CHRM3: variants seen among roughly 807,000 people sequenced by gnomAD.
The protein encoded by CHRM3 is cholinergic receptor muscarinic 3.
CHRM3 carries 11 observed loss-of-function variants against 41.8 expected under a neutral mutation model. The ratio of observed to expected loss-of-function variants is 0.26; its 90% confidence interval spans 0.17 to 0.44. CHRM3 has a LOEUF of 0.44. Ranked by LOEUF, CHRM3 falls within the 20% of genes least tolerant of loss-of-function variation. The probability of loss-of-function intolerance (pLI) is 1.00; values close to 1 mark genes in which losing one functional copy is unlikely to be tolerated. For missense variants in CHRM3, 571 were observed against 745.4 expected, an observed-to-expected ratio of 0.77 and a Z score of 2.72; for synonymous variants, 297 against 301.4, an observed-to-expected ratio of 0.99 and a Z score of 0.15.
At chr1:239,412,343 T>A in intron 1 of CHRM3, among the ~76,000 whole-genome samples, 1 of 112,940 alleles carries the variant, frequency 8.9e-6, no homozygotes, top group South Asian at 3.7e-4. Context: ...CCTCCCTCCC[T>A]CCCTCTTTTC....
chr1:239,907,488 T>C lies in CHRM3; in HGVS notation c.37T>C (p.Phe13Leu). The C allele has an allele frequency of 6.2e-7, 1 of 1,614,178 alleles. No homozygotes were observed. Among genetic ancestry groups the C allele is most frequent in the Non-Finnish European group, 8.5e-7 (1 of 1,180,032 alleles). The stretch of plus-strand genomic sequence containing the variant: ...CAATAACAGTACAACCTCGCCTTTG[T>C]TTCCAAACATCAGCTCCTCCTGGAT... ...LHNNSTTSPL[F>L]PNISSSWIHS... Residue 13 changes from phenylalanine to leucine, a missense_variant, in exon 7 of 7, where the codon TTT (phenylalanine) becomes CTT (leucine). This residue lies in a region of CHRM3 where 92 missense variants were observed against 76.1 expected (regional missense o/e 1.21). Coordinates refer to ENST00000676153, the MANE Select transcript of CHRM3 (RefSeq NM_001375978.1). The surrounding 1 kb of genome is among the most constrained non-coding windows in gnomAD (Gnocchi z 5.4).
chr1:239,775,656 G>A (rs1008947477), intron 5 of CHRM3, among the ~76,000 whole-genome samples: 7 of 152,166 alleles, frequency 4.6e-5, no homozygotes, highest in East Asian at 1.9e-4. Flanking sequence ...GTGGAAGAAA[G>A]CACAAGGTAT....
At chr1:239,448,192 A>G (rs192010398) in intron 1 of CHRM3, among the ~76,000 whole-genome samples, 149 of 152,352 alleles carry the variant, frequency 9.8e-4, no homozygotes, top group Admixed American at 1.5e-3. Flanking sequence ...TAGTGATAAC[A>G]TGATAACAAT....
At chr1:239,779,435 C>T (rs1470307523) in intron 5 of CHRM3, among the ~76,000 whole-genome samples, 2 of 152,198 alleles carry the variant, frequency 1.3e-5, no homozygotes, top group Non-Finnish European at 2.9e-5. Flanking sequence ...TAGTATCATA[C>T]AGAATAGTTT....
At chr1:239,403,851 G>T (rs968822571) in intron 1 of CHRM3, among the ~76,000 whole-genome samples, 6 of 150,562 alleles carry the variant, frequency 4.0e-5, no homozygotes, top group African/African-American at 1.2e-4. Context: ...TGGGGACAGG[G>T]TCTGTCAATC....
At chr1:239,652,013 C>T (rs1362953637) in intron 4 of CHRM3, among the ~76,000 whole-genome samples, 3 of 146,128 alleles carry the variant, frequency 2.1e-5, no homozygotes, top group East Asian at 4.1e-4. Context: ...GATGCAGCTA[C>T]AAGGCCACCA....
intron 6 of CHRM3, among the ~76,000 whole-genome samples, chr1:239,866,630 A>G (rs934245564): frequency 2.0e-5 from 3 of 152,184 alleles, no homozygotes; most frequent in African/African-American, 7.2e-5. Context: ...ACATCTTTAT[A>G]TTGGTTGTTA....
At chr1:239,777,206 T>C (rs532826102) in intron 5 of CHRM3, among the ~76,000 whole-genome samples, 1 of 152,280 alleles carries the variant, frequency 6.6e-6, no homozygotes, top group East Asian at 1.9e-4. Flanking sequence ...AAGACATCTC[T>C]AGGAATAAAC....
intron 5 of CHRM3, among the ~76,000 whole-genome samples, chr1:239,718,153 G>A (rs1170751921): frequency 1.3e-5 from 2 of 152,000 alleles, no homozygotes; most frequent in African/African-American, 4.8e-5. Flanking sequence ...GACACACTCA[G>A]GATTGAAATG....
At chr1:239,631,107 G>T (rs1015624123) in intron 3 of CHRM3, among the ~76,000 whole-genome samples, 1 of 152,180 alleles carries the variant, frequency 6.6e-6, no homozygotes, top group Non-Finnish European at 1.5e-5. Flanking sequence ...GAGCATAAAT[G>T]TGCTTCTCAA....
intron 1 of CHRM3, among the ~76,000 whole-genome samples, chr1:239,393,332 C>T (rs1659204723): frequency 6.6e-6 from 1 of 152,132 alleles, no homozygotes; most frequent in East Asian, 1.9e-4. Flanking sequence ...TTTCAATTTT[C>T]TTAGTGCAAA....
chr1:239,695,506 A>G (rs1210176506), intron 5 of CHRM3, among the ~76,000 whole-genome samples: 1 of 152,138 alleles, frequency 6.6e-6, no homozygotes, highest in Non-Finnish European at 1.5e-5. Context: ...GAAATCTGGG[A>G]GATCTTGAGG....
At chr1:239,494,517 T>G (rs1667757060) in intron 2 of CHRM3, among the ~76,000 whole-genome samples, 1 of 152,194 alleles carries the variant, frequency 6.6e-6, no homozygotes, top group African/African-American at 2.4e-5. Flanking sequence ...GTTCAGACTT[T>G]TTTTTTACAC....
At chr1:239,875,786 AT>A (rs1437881747) in intron 6 of CHRM3, among the ~76,000 whole-genome samples, 2 of 152,142 alleles carry the variant, frequency 1.3e-5, no homozygotes, top group Admixed American at 1.3e-4. Flanking sequence ...AGTGAGAGTT[AT>A]TGTTTTTCTG....
intron 3 of CHRM3, among the ~76,000 whole-genome samples, chr1:239,550,001 G>A (rs1212966322): frequency 6.6e-6 from 1 of 151,800 alleles, no homozygotes; most frequent in Non-Finnish European, 1.5e-5. Flanking sequence ...CCTTTAAGAA[G>A]AGAGCCTGCT....
chr1:239,552,436 T>C (rs1240328319), intron 3 of CHRM3, among the ~76,000 whole-genome samples: 1 of 147,472 alleles, frequency 6.8e-6, no homozygotes, highest in Non-Finnish European at 1.5e-5. Context: ...CATATATATG[T>C]ATAGATGATA....
At chr1:239,595,359 C>T (rs1664666508) in intron 3 of CHRM3, among the ~76,000 whole-genome samples, 1 of 152,092 alleles carries the variant, frequency 6.6e-6, no homozygotes. Flanking sequence ...CTGCAGATAC[C>T]AAGGGATGAC....
At chr1:239,868,122 G>A (rs1005122066) in intron 6 of CHRM3, among the ~76,000 whole-genome samples, 2 of 152,304 alleles carry the variant, frequency 1.3e-5, no homozygotes, top group East Asian at 1.9e-4. Context: ...AAAGAAAGGC[G>A]AAACTCTGAA....
intron 5 of CHRM3, among the ~76,000 whole-genome samples, chr1:239,789,125 G>A (rs188302718): frequency 2.6e-5 from 4 of 152,210 alleles, no homozygotes; most frequent in East Asian, 1.9e-4. Context: ...AGGTGTCTTC[G>A]TTGCACCCAT....
Sources: allele counts gnomAD v4.1 joint callset (sites outside exome capture counted in the v4.1 genomes callset), GRCh38; gene constraint gnomAD v4.1.1; regional missense constraint gnomAD v4.1.1; non-coding constraint Gnocchi (gnomAD v3.1); transcripts MANE v1.5; gene names NCBI Gene and HGNC (gene_info 2026-07-23, HGNC 2026-07-21).